Variants in PLEKHA6 observed in about 807,000 individuals in gnomAD.
PLEKHA6 encodes the protein pleckstrin homology domain-containing family A member 6.
A neutral mutation model predicts 116.7 loss-of-function variants in PLEKHA6; 60 were observed. That is an observed-to-expected ratio of 0.51 (90% CI 0.42 to 0.64). The LOEUF is 0.64. Ranked by LOEUF, PLEKHA6 falls within the 30% of genes least tolerant of loss-of-function variation. PLEKHA6 has a pLI of 0.00. For synonymous variants in PLEKHA6, 489 were observed against 556.1 expected, an observed-to-expected ratio of 0.88 and a Z score of 1.70; for missense variants, 1,338 against 1,422.7, an observed-to-expected ratio of 0.94 and a Z score of 0.96.
At chr1:204,290,890 T>C (rs1669679583) in intron 1 of PLEKHA6, among the ~76,000 whole-genome samples, 1 of 150,628 alleles carries the variant, frequency 6.6e-6, no homozygotes, top group Non-Finnish European at 1.5e-5. Flanking sequence ...CTCAGGAGGC[T>C]GAGTCAGAGA....
rs560640105 is a variant in PLEKHA6, at chr1:204,342,732, T to C, written c.-95+16962A>G. 2.8e-3 allele frequency among the ~76,000 whole-genome samples: 430 copies of C among 152,310 alleles called. 4 individuals carry two copies. Among genetic ancestry groups the C allele is most frequent in the Non-Finnish European group, 4.4e-3 (300 of 68,030 alleles). The stretch of plus-strand genomic sequence containing the variant: ...CTGTGGGCATCTGTGTCTTTTCCCC[T>C]ATAGCCTGGGAACTTGGAGAAGCAG... On this transcript the variant is annotated intron_variant, in intron 1 of 22. Transcript: ENST00000272203.
intron 1 of PLEKHA6, among the ~76,000 whole-genome samples, chr1:204,294,939 A>G (rs1670126576): frequency 6.6e-6 from 1 of 152,190 alleles, no homozygotes. Flanking sequence ...CTCAATTTTG[A>G]TTATAAAACC....
chr1:204,239,717 A>T (rs1004424894), intron 17 of PLEKHA6, among the ~76,000 whole-genome samples: 3 of 152,298 alleles, frequency 2.0e-5, no homozygotes, highest in Admixed American at 6.5e-5. Flanking sequence ...TCACAATTAC[A>T]ACACCAACTA....
At position 204,335,803 on chromosome 1, in the gene PLEKHA6, G is replaced by T. The variant is rs965865171; in HGVS notation, c.-95+23891C>A. Reference sequence around the variant, plus strand: ...GGCTGTGGAGGATGACAGTGTCCATGTGGCATGGGCAGGGCACATCTGTAC... The same window carrying T: ...GGCTGTGGAGGATGACAGTGTCCATTTGGCATGGGCAGGGCACATCTGTAC... On this transcript the variant is annotated intron_variant, in intron 1 of 22. Coordinates refer to ENST00000272203, the MANE Select transcript of PLEKHA6 (RefSeq NM_014935.5). 2.0e-5 allele frequency among the ~76,000 whole-genome samples: 3 copies of T among 152,226 alleles called. No homozygotes were observed. The South Asian group carries it at 6.2e-4, about 32-fold the overall frequency.
At chr1:204,226,022 G>A (rs753390494) in intron 21 of PLEKHA6, among the ~76,000 whole-genome samples, 21 of 152,172 alleles carry the variant, frequency 1.4e-4, no homozygotes, top group Non-Finnish European at 1.8e-4. Flanking sequence ...CACCACACGC[G>A]GGCACTGAAC....
chr1:204,347,078 T>G, intron 1 of PLEKHA6: 1 of 1,412,298 alleles, frequency 7.1e-7, no homozygotes, highest in Non-Finnish European at 9.9e-7. Flanking sequence ...ACTCTTCCAG[T>G]TTTGCCGTGG....
chr1:204,332,663 A>C (rs570403528), intron 1 of PLEKHA6, among the ~76,000 whole-genome samples: 35 of 152,294 alleles, frequency 2.3e-4, no homozygotes, highest in African/African-American at 8.2e-4. Flanking sequence ...TACAGGCGTG[A>C]GCCACTGCGC....
chr1:204,311,525 T>G (rs1671658437), intron 1 of PLEKHA6: 1 of 735,484 alleles, frequency 1.4e-6, no homozygotes, highest in Non-Finnish European at 1.7e-6. Context: ...TTCTACTCAT[T>G]GTTTCTAGTT....
chr1:204,298,658 G>A (rs1017977904), intron 1 of PLEKHA6, among the ~76,000 whole-genome samples: 8 of 152,184 alleles, frequency 5.3e-5, no homozygotes, highest in Non-Finnish European at 1.0e-4. Context: ...TCCAAGAAGG[G>A]CTAATGTGCA....
At chr1:204,312,762 G>A (rs76394103) in intron 1 of PLEKHA6, among the ~76,000 whole-genome samples, 12 of 152,308 alleles carry the variant, frequency 7.9e-5, no homozygotes, top group Admixed American at 3.9e-4. Flanking sequence ...GCCACTTCCC[G>A]AGTCATCAGC....
chr1:204,247,427 G>A lies in PLEKHA6; in HGVS notation c.1858C>T (p.Leu620Phe), dbSNP rs756313199. Residue 620 changes from leucine to phenylalanine, a missense_variant, in exon 13 of 23, where the codon CTC becomes TTC. Physicochemically the swap from Leu to Phe is conservative, Grantham distance 22. Around this residue, in one of 3 missense-constraint regions of PLEKHA6, gnomAD observed 1,136 missense variants for 1,163.6 expected, o/e 0.98. Transcript: ENST00000272203. ...LTNSTIEYEHLESEVSALHDD... is the reference protein window; with the variant it reads ...LTNSTIEYEHFESEVSALHDD... ...TGCAGGGCAGAGACCTCAGACTCGA[G>A]GTGCTCATACTCTATGGTGCTGTTT... The A allele has an allele frequency of 4.6e-5, 75 of 1,613,110 alleles. No homozygotes were observed. The highest frequency in any genetic ancestry group is 5.9e-6 in the Non-Finnish European group (7 of 1,179,380).
At chr1:204,312,407 C>A (rs1399978428) in intron 1 of PLEKHA6, among the ~76,000 whole-genome samples, 1 of 152,222 alleles carries the variant, frequency 6.6e-6, no homozygotes, top group African/African-American at 2.4e-5. Context: ...CAAAGCATCC[C>A]AGAAACACTC....
At chr1:204,326,027 C>T in intron 1 of PLEKHA6, 1 of 337,480 alleles carries the variant, frequency 3.0e-6, no homozygotes, top group Non-Finnish European at 4.2e-6. Flanking sequence ...CTAATGCATC[C>T]AGCACAGGGA....
At chr1:204,234,430 C>CT (rs1338603983) in intron 17 of PLEKHA6, among the ~76,000 whole-genome samples, 7 of 152,316 alleles carry the variant, frequency 4.6e-5, no homozygotes, top group Non-Finnish European at 1.0e-4. Context: ...TTGTTAACTC[C>CT]TGGCAGCCCT....
At chr1:204,267,399 G>A (rs765731649) in intron 5 of PLEKHA6, 76 bp downstream of exon 5, 183 of 1,313,020 alleles carry the variant, frequency 1.4e-4, no homozygotes, top group African/African-American at 2.6e-4. Context: ...AGCCAAGCTC[G>A]GGGATATGGC....
At position 204,257,091 on chromosome 1, in the gene PLEKHA6, G is replaced by A. The variant is rs932216815; in HGVS notation, c.1524+262C>T. On this transcript the variant is annotated intron_variant, in intron 9 of 22. Coordinates refer to ENST00000272203, the MANE Select transcript of PLEKHA6 (RefSeq NM_014935.5). The surrounding 1 kb of genome is among the most constrained non-coding windows in gnomAD (Gnocchi z 6.5). ...AACCCTCTCTGCCCTCTTATATGAC[G>A]GCATGGTATCTGGCACAACTTGGGG... 2.0e-5 allele frequency among the ~76,000 whole-genome samples: 3 copies of A among 152,182 alleles called. No homozygotes were observed. The highest frequency in any genetic ancestry group is 6.5e-5 in the Admixed American group (1 of 15,290).
In PLEKHA6 at chr1:204,222,443, T is replaced by G. The variant is rs573697684; in HGVS notation, c.*345A>C. The G allele has an allele frequency of 5.9e-5, 9 of 152,984 alleles. No individual in the cohort carries two copies. The East Asian group carries it at 1.7e-3, about 29-fold the overall frequency. 9.5% of individuals were successfully genotyped at this position (152,984 alleles called of 1,614,324 possible). A position where few individuals can be genotyped will look rare whatever the true frequency, so the allele number is the denominator to read the frequency against. On this transcript the variant is annotated 3_prime_UTR_variant, in exon 23 of 23. Coordinates refer to ENST00000272203, the MANE Select transcript of PLEKHA6 (RefSeq NM_014935.5). ...TGTCCCCCATCAGGGAATGTTCCAC[T>G]GGAGTCACCACAACCCCAGCCAGGG...
chr1:204,292,419 C>T (rs1572095607), intron 1 of PLEKHA6, among the ~76,000 whole-genome samples: 1 of 152,238 alleles, frequency 6.6e-6, no homozygotes, highest in Non-Finnish European at 1.5e-5. Context: ...GCTCTTTCCT[C>T]AGGGCCACAA....
chr1:204,299,600 G>C (rs1022075466), intron 1 of PLEKHA6: 1 of 982,594 alleles, frequency 1.0e-6, no homozygotes, highest in East Asian at 1.1e-4. Context: ...TTATTGAGGG[G>C]AGAAAACATC....
Sources: allele counts gnomAD v4.1 joint callset (sites outside exome capture counted in the v4.1 genomes callset), GRCh38; gene constraint gnomAD v4.1.1; regional missense constraint gnomAD v4.1.1; non-coding constraint Gnocchi (gnomAD v3.1); transcripts MANE v1.5; gene names NCBI Gene and HGNC (gene_info 2026-07-23, HGNC 2026-07-21).